The following STPG2 variants were observed in gnomAD, a reference collection of about 807,000 sequenced individuals.
STPG2 encodes sperm-tail PG-rich repeat-containing protein 2.
Under a neutral mutation model 54.2 loss-of-function variants are expected in STPG2, and 56 were observed. That is an observed-to-expected ratio of 1.03 (90% CI 0.83 to 1.29). The LOEUF (loss-of-function observed/expected upper bound fraction) is 1.29. Ranked by LOEUF, STPG2 falls within the 50% of genes most tolerant of loss-of-function variation. The pLI is 0.00. For synonymous variants in STPG2, 200 were observed against 181.8 expected, an observed-to-expected ratio of 1.10 and a Z score of -0.81; for missense variants, 596 against 544.9, an observed-to-expected ratio of 1.09 and a Z score of -0.93.
At position 97,991,201 on chromosome 4, in the gene STPG2, A is replaced by G. The variant is rs541194807; in HGVS notation, c.613-9883T>C. On this transcript the variant is annotated intron_variant, in intron 5 of 10. Transcript: ENST00000295268. ...ACTTCACTTAGATTAATGGTCTCCA[A>G]TTGCACCCAGGTTGCTGTGAATGCC... Among the ~76,000 whole-genome samples, 9 of 151,896 alleles carry G rather than the reference A, an allele frequency of 5.9e-5. No individual in the cohort carries two copies. The South Asian group carries it at 6.2e-4, about 11-fold the overall frequency.
chr4:98,140,414 T>C (rs1740248922), intron 1 of STPG2, among the ~76,000 whole-genome samples: 1 of 152,064 alleles, frequency 6.6e-6, no homozygotes, highest in Non-Finnish European at 1.5e-5. Context: ...AGATAGAAGA[T>C]GGATTGAAGA....
At position 97,643,650 on chromosome 4, in the gene STPG2, A is replaced by G. The variant is rs1046917496; in HGVS notation, c.1320+69049T>C. Among the ~76,000 whole-genome samples, 5 of 151,916 alleles carry G rather than the reference A, an allele frequency of 3.3e-5. 1 individual carries two copies. In the Middle Eastern group the frequency reaches 0.01, roughly 310 times the overall value. ...TATCCAGACATACTTATTAATATTA[A>G]ATTGACTTTAAACTAATTTCCTTCT... On this transcript the variant is annotated intron_variant, in intron 10 of 10. Coordinates refer to ENST00000295268, the MANE Select transcript of STPG2 (RefSeq NM_174952.3).
intron 7 of STPG2, among the ~76,000 whole-genome samples, chr4:97,953,926 A>C (rs889795728): frequency 2.6e-5 from 4 of 152,220 alleles, no homozygotes; most frequent in Non-Finnish European, 4.4e-5. Context: ...TGTCTTTCCA[A>C]ATAGAATAGG....
At chr4:97,824,723 C>G (rs1226593247) in intron 9 of STPG2, among the ~76,000 whole-genome samples, 1 of 152,174 alleles carries the variant, frequency 6.6e-6, no homozygotes, top group Non-Finnish European at 1.5e-5. Context: ...AAAGACTTCA[C>G]AAGCTCAAAA....
chr4:97,632,054 G>C (rs1410459015), intron 10 of STPG2, among the ~76,000 whole-genome samples: 1 of 151,870 alleles, frequency 6.6e-6, no homozygotes, highest in Admixed American at 6.6e-5. Context: ...ATATTCAAAA[G>C]AGATAAACAT....
chr4:97,452,012 C>A (rs988872741), intron 4 of STPG2, among the ~76,000 whole-genome samples: 1 of 151,780 alleles, frequency 6.6e-6, no homozygotes, highest in Non-Finnish European at 1.5e-5. Flanking sequence ...AGGAGTTCTA[C>A]CCCTGCTAAG....
intron 5 of STPG2, among the ~76,000 whole-genome samples, chr4:98,096,403 A>C (rs1361716311): frequency 9.8e-5 from 4 of 40,704 alleles, no homozygotes; most frequent in African/African-American, 3.2e-4. Flanking sequence ...GTCTCAAAAA[A>C]AGAAAAAAAA....
chr4:97,504,111 A>C (rs1207724945), intron 4 of STPG2, among the ~76,000 whole-genome samples: 2 of 143,926 alleles, frequency 1.4e-5, no homozygotes, highest in African/African-American at 2.5e-5. Flanking sequence ...TAAATAAATA[A>C]ATATTTATTT....
intron 4 of STPG2, among the ~76,000 whole-genome samples, chr4:97,512,307 A>G (rs1288843556): frequency 6.6e-6 from 1 of 152,154 alleles, no homozygotes; most frequent in Non-Finnish European, 1.5e-5. Context: ...ATTGGCATCA[A>G]TAACTAAGAT....
At chr4:97,878,162 G>A (rs1219741652) in intron 8 of STPG2, among the ~76,000 whole-genome samples, 1 of 152,128 alleles carries the variant, frequency 6.6e-6, no homozygotes, top group Non-Finnish European at 1.5e-5. Flanking sequence ...GGCTTTGCAG[G>A]GTACAGCCTC....
At chr4:97,904,328 C>T (rs1466294937) in intron 8 of STPG2, among the ~76,000 whole-genome samples, 16 of 152,210 alleles carry the variant, frequency 1.1e-4, no homozygotes, top group Admixed American at 9.8e-4. Flanking sequence ...AGGCACCCCC[C>T]AGCAGGGGCA....
intron 10 of STPG2, among the ~76,000 whole-genome samples, chr4:97,635,909 A>T (rs902807488): frequency 6.6e-6 from 1 of 152,126 alleles, no homozygotes; most frequent in Non-Finnish European, 1.5e-5. Context: ...TTAACACCCC[A>T]CTGTCAACAT....
chr4:98,023,044 G>A (rs1247392559), intron 5 of STPG2, among the ~76,000 whole-genome samples: 2 of 152,174 alleles, frequency 1.3e-5, no homozygotes, highest in South Asian at 2.1e-4. Flanking sequence ...ATCCAGCTTT[G>A]TTCTGTTACT....
chr4:97,827,437 G>A (rs1163463674), intron 9 of STPG2, among the ~76,000 whole-genome samples: 4 of 151,942 alleles, frequency 2.6e-5, no homozygotes, highest in South Asian at 2.1e-4. Context: ...GGGCTTCACC[G>A]TGTTAGCCAG....
At chr4:97,840,602 T>C (rs1157450600) in intron 9 of STPG2, among the ~76,000 whole-genome samples, 171 bp downstream of exon 9, 1 of 150,360 alleles carries the variant, frequency 6.7e-6, no homozygotes, top group Non-Finnish European at 1.5e-5. Flanking sequence ...TCAAATAATG[T>C]TGTTTAGTTC....
intron 10 of STPG2, among the ~76,000 whole-genome samples, chr4:97,634,436 T>C (rs1399313752): frequency 6.6e-6 from 1 of 152,120 alleles, no homozygotes; most frequent in Non-Finnish European, 1.5e-5. Context: ...AGAGCTCCTC[T>C]CCTCCTCCAA....
intron 4 of STPG2, among the ~76,000 whole-genome samples, chr4:97,505,876 G>C (rs1730832623): frequency 6.6e-6 from 1 of 151,388 alleles, no homozygotes; most frequent in Non-Finnish European, 1.5e-5. Context: ...ATTTATTATG[G>C]ATATTTAGTT....
intron 10 of STPG2, among the ~76,000 whole-genome samples, chr4:97,659,803 A>C (rs1722322594): frequency 6.6e-6 from 1 of 152,220 alleles, no homozygotes; most frequent in South Asian, 2.1e-4. Context: ...GCTAAAGCTT[A>C]GCTGACCTGG....
At chr4:98,116,851 A>G (rs1739537616) in intron 3 of STPG2, among the ~76,000 whole-genome samples, 1 of 151,910 alleles carries the variant, frequency 6.6e-6, no homozygotes, top group Admixed American at 6.6e-5. Context: ...TACCAGAATT[A>G]ATCTGGTTCT....
Sources: gnomAD v4.1 joint callset for allele counts (sites outside exome capture counted in the v4.1 genomes callset) on GRCh38, gnomAD v4.1.1 for gene constraint, MANE v1.5 for transcripts, NCBI Gene and HGNC (gene_info 2026-07-23, HGNC 2026-07-21) for gene names.